Variants in ZNF536 observed in about 807,000 individuals in gnomAD.
ZNF536 encodes zinc finger protein 536.
A neutral mutation model predicts 84.5 loss-of-function variants in ZNF536; 13 were observed. The ratio of observed to expected loss-of-function variants is 0.15; its 90% CI spans 0.10 to 0.24. The LOEUF is 0.24. Among genes scored for constraint, ZNF536 ranks in the 10% least tolerant of loss-of-function variants. The pLI, the probability that ZNF536 is intolerant of heterozygous loss-of-function variation, is 1.00. For missense variants in ZNF536, 1,536 were observed against 1,747.5 expected, an observed-to-expected ratio of 0.88 and a Z score of 2.16; for synonymous variants, 811 against 742.5, an observed-to-expected ratio of 1.09 and a Z score of -1.50.
intron 1 of ZNF536, among the ~76,000 whole-genome samples, chr19:30,689,108 A>G (rs1248990198): frequency 1.3e-5 from 2 of 152,190 alleles, no homozygotes; most frequent in Non-Finnish European, 2.9e-5. Context: ...TTCACAGATG[A>G]GAAAACTGAG....
chr19:30,325,179 C>T (rs754848731), intron 2 of ZNF536, among the ~76,000 whole-genome samples: 6 of 152,230 alleles, frequency 3.9e-5, no homozygotes, highest in Non-Finnish European at 8.8e-5. Flanking sequence ...AGACGCCCGT[C>T]TAGGTCCTCC....
intron 2 of ZNF536, among the ~76,000 whole-genome samples, chr19:30,456,794 CA>C (rs1229693585): frequency 6.6e-6 from 1 of 152,090 alleles, no homozygotes; most frequent in Non-Finnish European, 1.5e-5. Context: ...GTAATCCCAG[CA>C]CTTTGGGAAG....
chr19:30,395,395 A>G (rs1426268804), intron 1 of ZNF536, among the ~76,000 whole-genome samples: 1 of 152,186 alleles, frequency 6.6e-6, no homozygotes, highest in Non-Finnish European at 1.5e-5. Flanking sequence ...GTTGCAGTTT[A>G]ACGTTAAAAC....
rs946424628 is a variant in ZNF536 at position 30,570,821 on chromosome 19, T to C, written c.169+21307T>C. On this transcript the variant is annotated intron_variant, in intron 1 of 1. Transcript: ENST00000592773. ...CATGGAGTCTCTAATAAATTGGCCA[T>C]GAAAATAGCGTTCGCTGCTGATAGC... Among the ~76,000 whole-genome samples, 4 of 152,248 alleles carry C rather than the reference T, an allele frequency of 2.6e-5. No homozygotes were observed. The South Asian group carries it at 8.3e-4, about 32-fold the overall frequency.
intron 2 of ZNF536, among the ~76,000 whole-genome samples, chr19:30,455,468 G>A (rs1406742276): frequency 2.6e-5 from 4 of 152,114 alleles, no homozygotes; most frequent in African/African-American, 4.8e-5. Flanking sequence ...TTGGGAGGCC[G>A]AGGTGGGCAG....
At chr19:30,641,968 A>G (rs997278858) in intron 1 of ZNF536, among the ~76,000 whole-genome samples, 1 of 152,228 alleles carries the variant, frequency 6.6e-6, no homozygotes, top group Non-Finnish European at 1.5e-5. Context: ...AGCCTATTTA[A>G]TGAGATTGGC....
At chr19:30,457,006 C>T (rs1309007988) in intron 2 of ZNF536, among the ~76,000 whole-genome samples, 7 of 147,936 alleles carry the variant, frequency 4.7e-5, no homozygotes, top group South Asian at 2.1e-4. Flanking sequence ...CACACCACTG[C>T]GCTCCAGCCT....
chr19:30,466,755 G>GGGAAGGAA (rs1300813936), intron 2 of ZNF536, among the ~76,000 whole-genome samples: 10,456 of 61,378 alleles, frequency 0.17, 871 homozygotes, highest in Non-Finnish European at 0.2. Context: ...GAAGAAAGGA[G>GGGAAGGAA]GGAAGGAAGG....
At chr19:30,553,697 G>C (rs1433241998) in intron 4 of ZNF536, among the ~76,000 whole-genome samples, 1 of 152,236 alleles carries the variant, frequency 6.6e-6, no homozygotes, top group Admixed American at 6.5e-5. Context: ...AGGCACTGCG[G>C]CTCACACCTG....
chr19:30,573,687 T>C (rs1353642196), intron 1 of ZNF536, among the ~76,000 whole-genome samples: 1 of 152,136 alleles, frequency 6.6e-6, no homozygotes, highest in Non-Finnish European at 1.5e-5. Flanking sequence ...AGGTATCACA[T>C]GGATAGAGAG....
chr19:30,307,527 T>G (rs763581489), intron 2 of ZNF536, among the ~76,000 whole-genome samples: 1 of 152,126 alleles, frequency 6.6e-6, no homozygotes, highest in Admixed American at 6.5e-5. Flanking sequence ...GAGGAAGATG[T>G]GCCTTTTTTT....
intron 1 of ZNF536, among the ~76,000 whole-genome samples, chr19:30,374,315 T>A (rs1450132619): frequency 6.6e-6 from 1 of 151,950 alleles, no homozygotes; most frequent in Non-Finnish European, 1.5e-5. Context: ...AATATATATA[T>A]CTTAAATCTC....
At chr19:30,472,990 G>A (rs963466799) in intron 2 of ZNF536, among the ~76,000 whole-genome samples, 8 of 148,672 alleles carry the variant, frequency 5.4e-5, no homozygotes, top group African/African-American at 7.5e-5. Flanking sequence ...TCAGGAGTTC[G>A]AGACCAGCCT....
intron 3 of ZNF536, among the ~76,000 whole-genome samples, chr19:30,354,200 CTCA>C: frequency 6.6e-6 from 1 of 150,618 alleles, no homozygotes; most frequent in East Asian, 2.0e-4. Flanking sequence ...TAGCTCCAGC[CTCA>C]TCAGATTCTC....
chr19:30,461,435 G>C (rs570230532), intron 2 of ZNF536, among the ~76,000 whole-genome samples: 3 of 152,130 alleles, frequency 2.0e-5, no homozygotes, highest in African/African-American at 7.2e-5. Flanking sequence ...GAGTCATCCC[G>C]ACATCCCTTC....
At chr19:30,488,059 C>T (rs1317346036) in intron 2 of ZNF536, among the ~76,000 whole-genome samples, 1 of 152,122 alleles carries the variant, frequency 6.6e-6, no homozygotes, top group Non-Finnish European at 1.5e-5. Context: ...CACAGCAGTT[C>T]CCAGGTTTCT....
At position 30,616,397 on chromosome 19, in the gene ZNF536, T is replaced by C. The variant is rs994297356; in HGVS notation, c.169+66883T>C. Among the ~76,000 whole-genome samples the C allele has an allele frequency of 5.9e-5, 9 of 152,260 alleles. No homozygotes were observed. In the East Asian group the frequency reaches 1.7e-3, roughly 29 times the overall value. Reference sequence around the variant, plus strand: ...TGTTTAAATTTATAAATGCCTCTTATGGAATTTGTGGAGATGATCAAATAT... The same window carrying C: ...TGTTTAAATTTATAAATGCCTCTTACGGAATTTGTGGAGATGATCAAATAT... On this transcript the variant is annotated intron_variant, in intron 1 of 1. Transcript: ENST00000592773.
At chr19:30,232,454 C>T (rs2023141246) in intron 1 of ZNF536, among the ~76,000 whole-genome samples, 1 of 151,788 alleles carries the variant, frequency 6.6e-6, no homozygotes, top group African/African-American at 2.4e-5. Context: ...CTCTAGTGTC[C>T]CCCAGTATCC....
chr19:30,707,221 T>C (rs1227001504), intron 1 of ZNF536, among the ~76,000 whole-genome samples: 1 of 152,180 alleles, frequency 6.6e-6, no homozygotes, highest in African/African-American at 2.4e-5. Context: ...GATTCACCAT[T>C]AAGGTACGGA....
Sources: gnomAD v4.1 joint callset for allele counts (sites outside exome capture counted in the v4.1 genomes callset) on GRCh38, gnomAD v4.1.1 for gene constraint, MANE v1.5 for transcripts, NCBI Gene and HGNC (gene_info 2026-07-23, HGNC 2026-07-21) for gene names.